CHD6: variants seen among roughly 807,000 people sequenced by gnomAD.
CHD6 encodes chromodomain helicase DNA binding protein 6.
Under a neutral mutation model 276.9 loss-of-function variants are expected in CHD6, and 50 were observed. The observed-to-expected ratio is 0.18, with a 90% CI of 0.14 to 0.23. The LOEUF (loss-of-function observed/expected upper bound fraction) is 0.23, where lower values mean the gene tolerates loss of function less well. CHD6 is among the 10% of genes least tolerant of loss of function. The pLI is 1.00. For missense variants in CHD6, 2,564 were observed against 3,365.8 expected, an observed-to-expected ratio of 0.76 and a Z score of 5.89; for synonymous variants, 1,173 against 1,229.3, an observed-to-expected ratio of 0.95 and a Z score of 0.96.
rs1039419584 is a variant in CHD6 at position 41,404,235 on chromosome 20, T to C, written c.*358A>G. 1.1e-5 allele frequency: 12 copies of C among 1,078,178 alleles called. No individual in the cohort carries two copies. Among genetic ancestry groups the C allele is most frequent in the African/African-American group, 1.6e-5 (1 of 61,566 alleles). The allele number at this position is 1,078,178 out of a possible 1,614,324, so 66.8% of individuals were successfully genotyped here. A position where few individuals can be genotyped will look rare whatever the true frequency, so the allele number is the denominator to read the frequency against. On this transcript the variant is annotated 3_prime_UTR_variant, in exon 37 of 37. Coordinates refer to ENST00000373233, the MANE Select transcript of CHD6 (RefSeq NM_032221.5). ...TTGTCTCTGTTCTTCCACCCTTCAA[T>C]GGTAAAACCCTAGACAGCTTTCTTT...
intron 1 of CHD6, among the ~76,000 whole-genome samples, chr20:41,555,225 G>A (rs1425679992): frequency 7.4e-6 from 1 of 134,380 alleles, no homozygotes. Flanking sequence ...GCGGCTGGCC[G>A]GGTGGGGGGC....
intron 1 of CHD6, among the ~76,000 whole-genome samples, chr20:41,602,883 A>AT (rs1361130617): frequency 1.3e-5 from 2 of 151,988 alleles, no homozygotes; most frequent in Non-Finnish European, 2.9e-5. Flanking sequence ...GGGTCTCAAT[A>AT]TGCTGACCAG....
chr20:41,503,467 G>A (rs1427147397), intron 5 of CHD6, among the ~76,000 whole-genome samples: 1 of 151,892 alleles, frequency 6.6e-6, no homozygotes, highest in South Asian at 2.1e-4. Flanking sequence ...GTATTTCTGA[G>A]TACAAATTAT....
In CHD6 at chr20:41,404,001, T is replaced by C; in HGVS notation, c.*592A>G. 1 of 1,052,454 alleles carries C rather than the reference T, an allele frequency of 9.5e-7. No homozygotes were observed. The highest frequency in any genetic ancestry group is 1.1e-6 in the Non-Finnish European group (1 of 871,142). 65.2% of individuals were successfully genotyped at this position (1,052,454 alleles called of 1,614,324 possible). Reference sequence around the variant, plus strand: ...AAGGGGGAAATTATATTACTACCGGTAAGGTTTTTGTTTTTTATAAAGAAA... The same window carrying C: ...AAGGGGGAAATTATATTACTACCGGCAAGGTTTTTGTTTTTTATAAAGAAA... On this transcript the variant is annotated 3_prime_UTR_variant, in exon 37 of 37. Transcript: ENST00000373233.
chr20:41,515,910 C>T (rs964429584), intron 3 of CHD6, among the ~76,000 whole-genome samples: 2 of 152,108 alleles, frequency 1.3e-5, no homozygotes, highest in Admixed American at 1.3e-4. Context: ...CTTAAAACTG[C>T]TTTTTAAGCA....
At chr20:41,478,426 GAGA>G (rs1297671113) in intron 16 of CHD6, among the ~76,000 whole-genome samples, 2 of 152,156 alleles carry the variant, frequency 1.3e-5, no homozygotes, top group Non-Finnish European at 2.9e-5. Flanking sequence ...ACAGATCTTG[GAGA>G]AGAATAGAAA....
At position 41,426,169 on chromosome 20, in the gene CHD6, G is replaced by A. The variant is rs1163135641; in HGVS notation, c.4069-16C>T. ...TGGAACTCTCCTAGGGATAAATAAA[G>A]CCATCCCATCAGCAAAACTGCAGCT... On this transcript the variant is annotated splice_polypyrimidine_tract_variant and intron_variant, in intron 27 of 36. Transcript: ENST00000373233. 6.2e-7 allele frequency: 1 copy of A among 1,602,008 alleles called. No homozygotes were observed. The highest frequency in any genetic ancestry group is 1.7e-5 in the Admixed American group (1 of 60,000).
intron 1 of CHD6, among the ~76,000 whole-genome samples, chr20:41,567,643 C>G (rs2045372134): frequency 6.6e-6 from 1 of 151,994 alleles, no homozygotes; most frequent in Non-Finnish European, 1.5e-5. Context: ...GGTACCAGGC[C>G]CTCCCAAAAC....
At position 41,588,947 on chromosome 20, in the gene CHD6, A is replaced by T. The variant is rs573245316; in HGVS notation, c.-24+29393T>A. ...AATTTTAGACCAATATCCCTGATGA[A>T]CATCGATGCAAAAATCCTCAATAAA... On this transcript the variant is annotated intron_variant, in intron 1 of 36. Transcript: ENST00000373233. Among the ~76,000 whole-genome samples, 6 of 152,282 alleles carry T rather than the reference A, an allele frequency of 3.9e-5. No homozygotes were observed. The East Asian group carries it at 9.6e-4, about 24-fold the overall frequency.
rs1270030391 is a variant in CHD6, at chr20:41,452,879, C to T, written c.3184G>A (p.Glu1062Lys). 6.2e-7 allele frequency: 1 copy of T among 1,613,506 alleles called. No individual in the cohort carries two copies. The highest frequency in any genetic ancestry group is 1.3e-5 in the African/African-American group (1 of 74,762). Residue 1062 changes from glutamate to lysine, a missense_variant, in exon 21 of 37, where the codon GAA (glutamate) becomes AAA (lysine). Coordinates refer to ENST00000373233, the MANE Select transcript of CHD6 (RefSeq NM_032221.5). The surrounding 1 kb of genome is among the most constrained non-coding windows in gnomAD (Gnocchi z 4.2). ...TCTGAAAACTCCATGAGCTCGTCTT[C>T]CTCAAACGAGTTGTAGTGTTTGGTC... ...KQTKHYNSFE[E>K]DELMEFSELD...
At chr20:41,413,173 A>G (rs1294361017) in intron 35 of CHD6, 151 bp downstream of exon 35, 3 of 537,402 alleles carry the variant, frequency 5.6e-6, no homozygotes, top group Admixed American at 7.6e-5. Context: ...AAACTTAAAA[A>G]CAAAAGTCCT....
At chr20:41,553,134 C>A (rs542150643) in intron 1 of CHD6, among the ~76,000 whole-genome samples, 1 of 151,922 alleles carries the variant, frequency 6.6e-6, no homozygotes, top group African/African-American at 2.4e-5. Context: ...ATTATCAGAC[C>A]CCAGAAAACT....
Position 41,404,099 on chromosome 20 carries a change from A to G in CHD6, c.*494T>C. ...ACTCACTTAGTAATCATGATAAAAT[A>G]GGGAAATATTTTAACTCAAAAATAT... On this transcript the variant is annotated 3_prime_UTR_variant, in exon 37 of 37. Transcript: ENST00000373233. 1.9e-6 allele frequency: 2 copies of G among 1,052,132 alleles called. No individual in the cohort carries two copies. The highest frequency in any genetic ancestry group is 2.3e-6 in the Non-Finnish European group (2 of 871,076). 65.2% of individuals were successfully genotyped at this position (1,052,132 alleles called of 1,614,324 possible).
At position 41,484,617 on chromosome 20, in the gene CHD6, G is replaced by A; in HGVS notation, c.2002-10C>T. 1.9e-6 allele frequency: 3 copies of A among 1,613,290 alleles called. No individual in the cohort carries two copies. Among genetic ancestry groups the A allele is most frequent in the Non-Finnish European group, 2.5e-6 (3 of 1,179,562 alleles). On this transcript the variant is annotated splice_polypyrimidine_tract_variant and intron_variant, in intron 14 of 36. Transcript: ENST00000373233. The stretch of plus-strand genomic sequence containing the variant: ...ACTGCAGTTTCTTTACCTGTCCAGG[G>A]AAATGAGACCTAGTTACCTGCCTCA...
At chr20:41,525,944 A>G (rs1415338712) in intron 3 of CHD6, among the ~76,000 whole-genome samples, 1 of 152,208 alleles carries the variant, frequency 6.6e-6, no homozygotes, top group African/African-American at 2.4e-5. Flanking sequence ...TACCTCAATG[A>G]CTAGTCTCAT....
At chr20:41,412,066 C>A in intron 36 of CHD6, 78 bp downstream of exon 36, 5 of 1,565,012 alleles carry the variant, frequency 3.2e-6, no homozygotes, top group Non-Finnish European at 4.3e-6. Flanking sequence ...CCAGCTGGGG[C>A]TTTCTCTCAA....
chr20:41,480,830 T>A (rs1569123704), intron 16 of CHD6, among the ~76,000 whole-genome samples: 2 of 152,172 alleles, frequency 1.3e-5, no homozygotes, highest in African/African-American at 4.8e-5. Flanking sequence ...ATGATATGGC[T>A]CTTTAAATTA....
chr20:41,421,607 A>C lies in CHD6; in HGVS notation c.5028T>G (p.Asp1676Glu). Residue 1676 changes from aspartate (D) to glutamate (E), a missense_variant, in exon 31 of 37, where the codon GAT becomes GAG. Physicochemically the swap from Asp to Glu is conservative, Grantham distance 45 (BLOSUM62 2). This residue lies in a region of CHD6 where 1,024 missense variants were observed against 1,047.9 expected (regional missense o/e 0.98). Coordinates refer to ENST00000373233, the MANE Select transcript of CHD6 (RefSeq NM_032221.5). ...ESRDDHLSLPDVTCENFISKV... is the reference protein window; with the variant it reads ...ESRDDHLSLPEVTCENFISKV... ...TAGAAATAAAGTTTTCACATGTCAC[A>C]TCAGGCAGGCTGAGATGATCATCTC... 1 of 1,613,914 alleles carries C rather than the reference A, an allele frequency of 6.2e-7. No homozygotes were observed.
At chr20:41,564,060 G>T (rs1187762570) in intron 1 of CHD6, 4 of 779,436 alleles carry the variant, frequency 5.1e-6, no homozygotes, top group East Asian at 2.4e-5. Flanking sequence ...AAGCGTTGTG[G>T]GATTTGGGCA....
Sources: gnomAD v4.1 joint callset for allele counts (sites outside exome capture counted in the v4.1 genomes callset) on GRCh38, gnomAD v4.1.1 for gene constraint, gnomAD v4.1.1 regional missense constraint, Gnocchi (gnomAD v3.1) non-coding constraint, MANE v1.5 for transcripts, NCBI Gene and HGNC (gene_info 2026-07-23, HGNC 2026-07-21) for gene names.